The following MVP variants were observed in gnomAD, a reference collection of about 807,000 sequenced individuals.
MVP encodes major vault protein, also known as lung resistance-related protein.
In MVP, 62 loss-of-function variants were observed where a neutral mutation model predicts 83.5. The observed-to-expected ratio is 0.74, with a 90% CI of 0.61 to 0.92. MVP has a LOEUF of 0.92. Among genes scored for constraint, MVP ranks in the 40% least tolerant of loss-of-function variants. The pLI is 0.00. For missense variants in MVP, 1,000 were observed against 1,203.4 expected (o/e 0.83, Z 2.50); for synonymous variants, 505 against 504.1 (o/e 1.00, Z -0.02).
intron 1 of MVP, among the ~76,000 whole-genome samples, chr16:29,824,390 T>C (rs1567386777): frequency 6.6e-6 from 1 of 152,078 alleles, no homozygotes. Context: ...CAGGCTGTGT[T>C]GCTATCAAGC....
intron 1 of MVP, among the ~76,000 whole-genome samples, chr16:29,828,587 C>T (rs998661973): frequency 6.6e-6 from 1 of 152,152 alleles, no homozygotes; most frequent in Non-Finnish European, 1.5e-5. Flanking sequence ...GCCATGTTGG[C>T]CAGGCTGGTC....
intron 1 of MVP, among the ~76,000 whole-genome samples, chr16:29,824,229 A>AC (rs1402800606): frequency 7.6e-6 from 1 of 131,506 alleles, no homozygotes; most frequent in Non-Finnish European, 1.6e-5. Context: ...AAAAAAAAAA[A>AC]AAAAAAAAAA....
At chr16:29,838,321 A>G (rs1427448833) in intron 7 of MVP, among the ~76,000 whole-genome samples, 3 of 152,018 alleles carry the variant, frequency 2.0e-5, no homozygotes, top group Non-Finnish European at 2.9e-5. Flanking sequence ...CTGTAATCCC[A>G]GCTTCTCTGG....
intron 8 of MVP, 81 bp downstream of exon 8, chr16:29,840,540 G>A (rs2067526585): frequency 1.4e-6 from 2 of 1,467,490 alleles, no homozygotes; most frequent in Non-Finnish European, 1.8e-6. Context: ...TGGAAGAGGT[G>A]GGCAGGGACT....
intron 13 of MVP, among the ~76,000 whole-genome samples, chr16:29,846,579 C>G (rs979515721): frequency 1.3e-5 from 2 of 152,182 alleles, no homozygotes; most frequent in African/African-American, 2.4e-5. Flanking sequence ...ATTAAGAGGC[C>G]GGGTGCAGTG....
chr16:29,841,916 G>A lies in MVP; in HGVS notation c.1438G>A (p.Val480Met), dbSNP rs778019284. ...TCTGACCCTCGGCTGTCTCTGCAGC[G>A]TGGTCTTCGGGCCTGAGCTGGTGTC... The part of the protein sequence containing the change: ...VYDYREKRAR[V>M]VFGPELVSLG... Residue 480 changes from valine (V) to methionine (M), a missense_variant and splice_region_variant, in exon 10 of 15, where the codon GTG becomes ATG. Coordinates refer to ENST00000357402, the MANE Select transcript of MVP (RefSeq NM_005115.5). This position sits in a 1 kb window ranked among gnomAD's most constrained non-coding sequence, Gnocchi z 4.7. 46 of 1,612,104 alleles carry A rather than the reference G, an allele frequency of 2.9e-5. No individual in the cohort carries two copies. The highest frequency in any genetic ancestry group is 3.5e-5 in the Non-Finnish European group (41 of 1,180,012).
Position 29,833,850 on chromosome 16 carries a change from G to C in MVP, c.439G>C (p.Gly147Arg). The C allele has an allele frequency of 6.2e-7, 1 of 1,614,066 alleles. No individual in the cohort carries two copies. Residue 147 changes from glycine to arginine, a missense_variant, in exon 4 of 15, where the codon GGA (glycine) becomes CGA (arginine). By Grantham distance (125) the Gly-to-Arg change is moderately radical. Coordinates refer to ENST00000357402, the MANE Select transcript of MVP (RefSeq NM_005115.5). ...GGCAGGAGATGAGTGGCTTTTCGAGGGACCTGGTAAGTTCTGTCTCCATAG... is the reference window on the plus strand; with the variant it reads ...GGCAGGAGATGAGTGGCTTTTCGAGCGACCTGGTAAGTTCTGTCTCCATAG... ...VVAGDEWLFE[G>R]PGTYIPRKEV... is the part of the protein sequence containing the mutation.
intron 3 of MVP, among the ~76,000 whole-genome samples, chr16:29,832,656 T>C (rs1437931120): frequency 7.1e-6 from 1 of 140,600 alleles, no homozygotes; most frequent in Admixed American, 7.9e-5. Flanking sequence ...TGCAGTGGGG[T>C]GATCATAGCT....
rs1239321397 is a variant in MVP at position 29,840,298 on chromosome 16, G to T, written c.1030G>T (p.Glu344Ter). The change falls in exon 8 of 15, where the codon GAG becomes TAG. Residue 344 changes from glutamate to a stop codon, truncating the protein, a stop_gained. Transcript: ENST00000357402. LOFTEE classifies it high-confidence loss of function. Reference sequence around the variant, plus strand: ...GGCCCTGCAGCCCCTGGAGGAGGGGGAGGATGAGGAGAAGGTCTCACACCA... The same window carrying T: ...GGCCCTGCAGCCCCTGGAGGAGGGGTAGGATGAGGAGAAGGTCTCACACCA... ...LRALQPLEEG[E>*]DEEKVSHQAG... 4 of 1,613,520 alleles carry T rather than the reference G, an allele frequency of 2.5e-6. No individual in the cohort carries two copies. The highest frequency in any genetic ancestry group is 2.5e-6 in the Non-Finnish European group (3 of 1,179,800).
chr16:29,821,921 T>C (rs1380800572), intron 1 of MVP, among the ~76,000 whole-genome samples: 1 of 150,514 alleles, frequency 6.6e-6, no homozygotes, highest in Non-Finnish European at 1.5e-5. Flanking sequence ...GCAGCAGGAG[T>C]GGGGTTAAGA....
chr16:29,845,347 A>C (rs1596930041), intron 11 of MVP, among the ~76,000 whole-genome samples: 1 of 151,820 alleles, frequency 6.6e-6, no homozygotes, highest in East Asian at 1.9e-4. Context: ...CGTCCCTGGA[A>C]CATGTTCCAG....
intron 1 of MVP, among the ~76,000 whole-genome samples, chr16:29,822,155 A>C (rs2067367356): frequency 1.3e-5 from 2 of 150,976 alleles, no homozygotes; most frequent in African/African-American, 4.9e-5. Flanking sequence ...AATATTGATG[A>C]AGATCAGGGG....
At chr16:29,843,844 G>A (rs1208053601) in intron 10 of MVP, among the ~76,000 whole-genome samples, 1 of 151,842 alleles carries the variant, frequency 6.6e-6, no homozygotes, top group Non-Finnish European at 1.5e-5. Context: ...AGGTTGCAGT[G>A]AACCCAGATC....
intron 11 of MVP, 116 bp downstream of exon 11, chr16:29,844,995 T>G: frequency 1.5e-6 from 2 of 1,369,840 alleles, no homozygotes; most frequent in Non-Finnish European, 2.0e-6. Flanking sequence ...CTCAAAGATC[T>G]ATTCCCTACC....
chr16:29,827,720 C>A (rs549511941), intron 1 of MVP, among the ~76,000 whole-genome samples: 27 of 152,198 alleles, frequency 1.8e-4, no homozygotes, highest in African/African-American at 6.3e-4. Context: ...TCGAGACCAG[C>A]CTAGGCAACA....
chr16:29,825,492 C>T (rs1050300791), intron 1 of MVP, among the ~76,000 whole-genome samples: 1 of 152,232 alleles, frequency 6.6e-6, no homozygotes, highest in African/African-American at 2.4e-5. Context: ...TTCCCTGGCT[C>T]ACCTCCATAG....
intron 1 of MVP, chr16:29,829,494 CT>C (rs2067426567): frequency 6.8e-6 from 1 of 147,258 alleles, no homozygotes; most frequent in East Asian, 2.0e-4. Context: ...ACCTGAGTCT[CT>C]TAAGGATGAG....
intron 1 of MVP, among the ~76,000 whole-genome samples, chr16:29,823,122 C>CTTTTTT (rs66512916): frequency 0.012 from 1,153 of 98,382 alleles, 1 homozygote; most frequent in Non-Finnish European, 0.017. Context: ...CTTTTCTTTT[C>CTTTTTT]TTTTTTTTTT....
intron 1 of MVP, among the ~76,000 whole-genome samples, chr16:29,825,602 C>T (rs1285002539): frequency 1.3e-5 from 2 of 151,928 alleles, no homozygotes; most frequent in African/African-American, 4.9e-5. Context: ...AGGTGGGGTC[C>T]TGGTGCTGAT....
Sources: gnomAD v4.1 joint callset for allele counts (sites outside exome capture counted in the v4.1 genomes callset) on GRCh38, gnomAD v4.1.1 for gene constraint, Gnocchi (gnomAD v3.1) non-coding constraint, MANE v1.5 for transcripts, NCBI Gene and HGNC (gene_info 2026-07-23, HGNC 2026-07-21) for gene names.